Variants in FHIT observed in about 807,000 individuals in gnomAD.
FHIT encodes fragile histidine triad diadenosine triphosphatase.
Under a neutral mutation model 17.9 loss-of-function variants are expected in FHIT, and 19 were observed. The ratio of observed to expected loss-of-function variants is 1.06; its 90% CI spans 0.74 to 1.56. FHIT has a LOEUF of 1.56. Among genes scored for constraint, FHIT ranks in the 40% most tolerant of loss-of-function variants. The pLI, the probability that FHIT is intolerant of heterozygous loss-of-function variation, is 0.00. For missense variants in FHIT, 248 were observed against 189.2 expected (o/e 1.31, Z -1.82); for synonymous variants, 81 against 69.7 (o/e 1.16, Z -0.81).
At chr3:60,209,235 G>T (rs537158508) in intron 5 of FHIT, among the ~76,000 whole-genome samples, 1 of 152,172 alleles carries the variant, frequency 6.6e-6, no homozygotes, top group South Asian at 2.1e-4. Context: ...AAACTACTTG[G>T]TTTATTTAGT....
chr3:60,213,847 T>C (rs920863537), intron 5 of FHIT, among the ~76,000 whole-genome samples: 1 of 152,174 alleles, frequency 6.6e-6, no homozygotes, highest in Non-Finnish European at 1.5e-5. Flanking sequence ...AACAAGGACA[T>C]GTCAATTTGA....
chr3:60,794,215 T>G (rs536493151), intron 4 of FHIT, among the ~76,000 whole-genome samples: 1 of 152,318 alleles, frequency 6.6e-6, no homozygotes, highest in East Asian at 1.9e-4. Context: ...TTTAAAAATA[T>G]GCAGATTGGA....
intron 2 of FHIT, among the ~76,000 whole-genome samples, chr3:61,147,545 T>C (rs1360438551): frequency 6.6e-6 from 1 of 151,994 alleles, no homozygotes; most frequent in East Asian, 1.9e-4. Flanking sequence ...TGTGATGAAT[T>C]GTCAGGCTGC....
chr3:60,747,130 A>C (rs1301388794), intron 4 of FHIT, among the ~76,000 whole-genome samples: 1 of 152,014 alleles, frequency 6.6e-6, no homozygotes, highest in African/African-American at 2.4e-5. Flanking sequence ...AATTCACAAA[A>C]AAAAAAAAAA....
At chr3:61,126,684 C>A (rs796880251) in intron 2 of FHIT, among the ~76,000 whole-genome samples, 3 of 152,196 alleles carry the variant, frequency 2.0e-5, no homozygotes, top group African/African-American at 7.2e-5. Flanking sequence ...ACCATATCAA[C>A]AATAAAACAA....
intron 5 of FHIT, among the ~76,000 whole-genome samples, chr3:60,262,634 C>T (rs758996476): frequency 1.3e-5 from 2 of 151,928 alleles, no homozygotes; most frequent in African/African-American, 2.4e-5. Context: ...CAATTTCCCA[C>T]TCTGTGGCTC....
chr3:60,015,941 A>C (rs1700327804), intron 5 of FHIT, among the ~76,000 whole-genome samples: 2 of 152,264 alleles, frequency 1.3e-5, no homozygotes, highest in South Asian at 4.1e-4. Flanking sequence ...AAAGCAAATT[A>C]ATTAGAAGAA....
chr3:60,186,259 T>C (rs1359609283), intron 5 of FHIT, among the ~76,000 whole-genome samples: 1 of 152,172 alleles, frequency 6.6e-6, no homozygotes, highest in Admixed American at 6.5e-5. Context: ...TACTTTTGCA[T>C]TTCACATTTA....
intron 3 of FHIT, among the ~76,000 whole-genome samples, chr3:60,869,424 A>G (rs575765729): frequency 1.1e-4 from 16 of 152,262 alleles, no homozygotes; most frequent in Admixed American, 1.0e-3. Context: ...CTCAGGGAAT[A>G]CAGCCCCCTT....
intron 2 of FHIT, among the ~76,000 whole-genome samples, chr3:61,050,316 A>G (rs1337816838): frequency 6.6e-6 from 1 of 152,140 alleles, no homozygotes; most frequent in South Asian, 2.1e-4. Context: ...TTCTCTCACA[A>G]ATCAAAGTTA....
At chr3:60,296,915 T>G (rs1311320217) in intron 5 of FHIT, among the ~76,000 whole-genome samples, 1 of 125,160 alleles carries the variant, frequency 8.0e-6, no homozygotes, top group Non-Finnish European at 1.6e-5. Context: ...TGCTTTTTTA[T>G]TTTTGCAAAA....
At chr3:60,468,081 C>T (rs2032894852) in intron 5 of FHIT, among the ~76,000 whole-genome samples, 2 of 152,064 alleles carry the variant, frequency 1.3e-5, no homozygotes, top group South Asian at 4.1e-4. Context: ...GTCTTGAAGG[C>T]TATTTTGTCT....
intron 8 of FHIT, among the ~76,000 whole-genome samples, chr3:59,757,119 A>G (rs1339559009): frequency 3.3e-5 from 5 of 152,176 alleles, no homozygotes; most frequent in Admixed American, 6.5e-5. Flanking sequence ...ACGCTGATGT[A>G]TTACATACTG....
intron 5 of FHIT, among the ~76,000 whole-genome samples, chr3:60,331,848 G>A (rs1320168706): frequency 2.8e-5 from 4 of 141,032 alleles, no homozygotes; most frequent in African/African-American, 2.6e-5. Context: ...CTCTGTCTCG[G>A]AAAAAAAAAA....
At chr3:60,155,573 C>T (rs1326742607) in intron 5 of FHIT, among the ~76,000 whole-genome samples, 4 of 152,156 alleles carry the variant, frequency 2.6e-5, no homozygotes, top group African/African-American at 9.7e-5. Flanking sequence ...AATTGCAACT[C>T]TTCCCTCAAG....
At chr3:59,764,762 T>A (rs1360639704) in intron 8 of FHIT, among the ~76,000 whole-genome samples, 1 of 151,898 alleles carries the variant, frequency 6.6e-6, no homozygotes, top group African/African-American at 2.4e-5. Context: ...TGAAAGAAAC[T>A]GAGATTTCCT....
intron 4 of FHIT, among the ~76,000 whole-genome samples, chr3:60,598,590 T>C (rs186709321): frequency 1.4e-3 from 206 of 152,314 alleles, no homozygotes; most frequent in African/African-American, 4.5e-3. Flanking sequence ...CAAGTTTATA[T>C]AATGATATAT....
rs185825817 is a variant in FHIT, at chr3:60,652,992, A to G, written c.-17-116013T>C. 2.9e-3 allele frequency among the ~76,000 whole-genome samples: 446 copies of G among 152,190 alleles called. 1 individual carries two copies. The highest frequency in any genetic ancestry group is 4.9e-3 in the Non-Finnish European group (332 of 68,012). On this transcript the variant is annotated intron_variant, in intron 4 of 9. Transcript: ENST00000492590. ...AGCACATTGCGATTCCCCAGTTCCCATGCACACACCCTAAACTGAAACTCT... is the reference window on the plus strand; with the variant it reads ...AGCACATTGCGATTCCCCAGTTCCCGTGCACACACCCTAAACTGAAACTCT...
chr3:60,043,490 T>C (rs1189492606), intron 5 of FHIT, among the ~76,000 whole-genome samples: 1 of 152,216 alleles, frequency 6.6e-6, no homozygotes, highest in Non-Finnish European at 1.5e-5. Flanking sequence ...AGAGATTACA[T>C]GTCTTGCTAA....
Sources: gnomAD v4.1 joint callset for allele counts (sites outside exome capture counted in the v4.1 genomes callset) on GRCh38, gnomAD v4.1.1 for gene constraint, MANE v1.5 for transcripts, NCBI Gene and HGNC (gene_info 2026-07-23, HGNC 2026-07-21) for gene names.